TRAF5: variants seen among roughly 807,000 people sequenced by gnomAD.
TRAF5 encodes the protein TNF receptor-associated factor 5.
In TRAF5, 48 loss-of-function variants were observed where a neutral mutation model predicts 64.5. The ratio of observed to expected loss-of-function variants is 0.74; its 90% confidence interval spans 0.59 to 0.95. The LOEUF is 0.95. Among genes scored for constraint, TRAF5 ranks in the 40% least tolerant of loss-of-function variants. The pLI is 0.00. For missense variants in TRAF5, 545 were observed against 662.8 expected (o/e 0.82, Z 1.95); for synonymous variants, 206 against 240.5 (o/e 0.86, Z 1.33).
At chr1:211,340,291 T>C (rs1266897003) in intron 1 of TRAF5, among the ~76,000 whole-genome samples, 1 of 152,192 alleles carries the variant, frequency 6.6e-6, no homozygotes, top group African/African-American at 2.4e-5. Flanking sequence ...CTTGTTTTTG[T>C]TTTTGTTTTT....
chr1:211,331,664 G>A (rs560503345), intron 1 of TRAF5, among the ~76,000 whole-genome samples: 13 of 151,246 alleles, frequency 8.6e-5, no homozygotes, highest in Admixed American at 1.3e-4. Flanking sequence ...GTCAGAGCAG[G>A]CCATCTTTTT....
chr1:211,342,640 C>T (rs1319032959), intron 1 of TRAF5, among the ~76,000 whole-genome samples: 1 of 152,176 alleles, frequency 6.6e-6, no homozygotes, highest in Non-Finnish European at 1.5e-5. Flanking sequence ...CTACCCAACA[C>T]TTCCCCCACC....
At chr1:211,360,803 T>C in intron 6 of TRAF5, 24 bp downstream of exon 6, 1 of 1,590,724 alleles carries the variant, frequency 6.3e-7, no homozygotes, top group Non-Finnish European at 8.6e-7. Context: ...ATCCTCTCTG[T>C]AGATTTTATG....
At position 211,364,751 on chromosome 1, in the gene TRAF5, A is replaced by G. The variant is rs1703294672; in HGVS notation, c.697-625A>G. Among the ~76,000 whole-genome samples the G allele has an allele frequency of 2.0e-5, 3 of 152,114 alleles. No individual in the cohort carries two copies. The South Asian group carries it at 6.2e-4, about 31-fold the overall frequency. On this transcript the variant is annotated intron_variant, in intron 7 of 10. Coordinates refer to ENST00000261464, the MANE Select transcript of TRAF5 (RefSeq NM_001033910.3). ...AACCCTCAAAGGAGATAGGTTTTATATGGGAATAGTTGAGAGATGATAATA... is the reference window on the plus strand; with the variant it reads ...AACCCTCAAAGGAGATAGGTTTTATGTGGGAATAGTTGAGAGATGATAATA...
chr1:211,361,939 C>T (rs549025214), intron 7 of TRAF5, among the ~76,000 whole-genome samples: 11 of 152,152 alleles, frequency 7.2e-5, no homozygotes, highest in East Asian at 5.8e-4. Flanking sequence ...TCAGGCGATG[C>T]GCCTGCCTCG....
At chr1:211,341,977 A>C (rs978005505) in intron 1 of TRAF5, among the ~76,000 whole-genome samples, 2 of 152,222 alleles carry the variant, frequency 1.3e-5, no homozygotes, top group African/African-American at 2.4e-5. Flanking sequence ...GTGCTTATTA[A>C]TAATAGCCCT....
intron 1 of TRAF5, among the ~76,000 whole-genome samples, chr1:211,343,761 C>T (rs1033499396): frequency 1.3e-5 from 2 of 152,118 alleles, no homozygotes; most frequent in Non-Finnish European, 2.9e-5. Context: ...TCTTCACGGC[C>T]CTTTCTCACT....
intron 4 of TRAF5, chr1:211,357,000 G>C (rs1231183834): frequency 6.6e-6 from 1 of 152,388 alleles, no homozygotes; most frequent in African/African-American, 2.4e-5. Context: ...ATTGATAGGA[G>C]AGACAAACCA....
Position 211,353,540 on chromosome 1 carries a change from G to A in TRAF5, c.218+83G>A, listed in dbSNP as rs979483442. On this transcript the variant is annotated intron_variant, in intron 2 of 10. Transcript: ENST00000261464. ...TGTGGCCACTCAACTGTTTTCATGG[G>A]TTTTGGAGTTGTTTTACTTGGCCAC... The A allele has an allele frequency of 1.3e-5, 18 of 1,393,628 alleles. No individual in the cohort carries two copies. In the African/African-American group the frequency reaches 2.6e-4, roughly 20 times the overall value. The allele number at this position is 1,393,628 out of a possible 1,614,324, so 86.3% of individuals were successfully genotyped here.
At chr1:211,368,223 C>T (rs1028114606) in intron 8 of TRAF5, among the ~76,000 whole-genome samples, 9 of 151,906 alleles carry the variant, frequency 5.9e-5, no homozygotes, top group Non-Finnish European at 1.0e-4. Context: ...GGGCAGGTCA[C>T]GTAGGGCCCA....
In TRAF5 at chr1:211,371,302, G is replaced by GT; in HGVS notation, c.936dup (p.Ala313CysfsTer5). ...ATGATTATCCATTTTGTAATGAAAG[G>GT]TTTTTGCCAGTCACATTGACAAGTC... is the stretch of plus-strand genomic sequence containing the variant. On this transcript the variant is annotated frameshift_variant and splice_region_variant, in exon 10 of 11. Transcript: ENST00000261464. LOFTEE classifies it high-confidence loss of function. 6.3e-7 allele frequency: 1 copy of GT among 1,579,216 alleles called. No individual in the cohort carries two copies. Among genetic ancestry groups the GT allele is most frequent in the Non-Finnish European group, 8.5e-7 (1 of 1,170,218 alleles).
chr1:211,350,258 G>A (rs1352494699), intron 1 of TRAF5, among the ~76,000 whole-genome samples: 6 of 147,172 alleles, frequency 4.1e-5, no homozygotes, highest in South Asian at 2.2e-4. Context: ...CCTGTCACCC[G>A]GGCTGGAGTG....
rs376376097 is a variant in TRAF5 at position 211,361,652 on chromosome 1, A to T, written c.696+490A>T. 5.5e-3 allele frequency among the ~76,000 whole-genome samples: 825 copies of T among 149,562 alleles called. 4 individuals carry two copies. Among genetic ancestry groups the T allele is most frequent in the African/African-American group, 0.02 (789 of 39,750 alleles). On this transcript the variant is annotated intron_variant, in intron 7 of 10. Coordinates refer to ENST00000261464, the MANE Select transcript of TRAF5 (RefSeq NM_001033910.3). ...AACAATTGGGCACCATAGCCTAGCC[A>T]GGTTGACACATAAAATTAACCATCA...
At chr1:211,333,307 G>C (rs1458032725) in intron 1 of TRAF5, among the ~76,000 whole-genome samples, 2 of 151,912 alleles carry the variant, frequency 1.3e-5, no homozygotes, top group Non-Finnish European at 2.9e-5. Flanking sequence ...TCCTGCCTCA[G>C]CTTCTGGAGT....
At chr1:211,334,430 G>A (rs1283452300) in intron 1 of TRAF5, among the ~76,000 whole-genome samples, 1 of 152,160 alleles carries the variant, frequency 6.6e-6, no homozygotes, top group Non-Finnish European at 1.5e-5. Context: ...AGACCGAGGC[G>A]GGCTGATCAC....
At chr1:211,335,217 G>T (rs767693971) in intron 1 of TRAF5, among the ~76,000 whole-genome samples, 40 of 152,156 alleles carry the variant, frequency 2.6e-4, no homozygotes, top group Non-Finnish European at 1.5e-5. Flanking sequence ...TCCCTACCCA[G>T]AGTTACCAGC....
At chr1:211,340,450 T>C (rs918863754) in intron 1 of TRAF5, among the ~76,000 whole-genome samples, 1 of 151,990 alleles carries the variant, frequency 6.6e-6, no homozygotes, top group Non-Finnish European at 1.5e-5. Flanking sequence ...ACGCCCAGCT[T>C]TTTGTATTTT....
At chr1:211,327,695 G>C (rs1041730319) in intron 1 of TRAF5, among the ~76,000 whole-genome samples, 2 of 152,182 alleles carry the variant, frequency 1.3e-5, no homozygotes, top group Non-Finnish European at 2.9e-5. Context: ...CTGCTCATTC[G>C]GCCTCCTTCT....
chr1:211,341,237 T>A (rs1702440761), intron 1 of TRAF5, among the ~76,000 whole-genome samples: 1 of 152,082 alleles, frequency 6.6e-6, no homozygotes, highest in South Asian at 2.1e-4. Flanking sequence ...TGGGGAACCC[T>A]GCAGGAGTGG....
Sources: gnomAD v4.1 joint callset for allele counts (sites outside exome capture counted in the v4.1 genomes callset) on GRCh38, gnomAD v4.1.1 for gene constraint, MANE v1.5 for transcripts, NCBI Gene and HGNC (gene_info 2026-07-23, HGNC 2026-07-21) for gene names.